Variants in ABLIM1 observed in about 807,000 individuals in gnomAD.
ABLIM1 encodes actin-binding LIM protein 1.
A neutral mutation model predicts 107.0 loss-of-function variants in ABLIM1; 40 were observed. The ratio of observed to expected loss-of-function variants is 0.37; its 90% CI spans 0.29 to 0.49. The LOEUF (loss-of-function observed/expected upper bound fraction) is 0.49. ABLIM1 is among the 20% of genes least tolerant of loss of function. The pLI, the probability that ABLIM1 is intolerant of heterozygous loss-of-function variation, is 0.97. For synonymous variants in ABLIM1, 357 were observed against 357.3 expected (o/e 1.00, Z 0.01); for missense variants, 857 against 1,008.5 (o/e 0.85, Z 2.04).
chr10:114,788,334 TAAAA>T, the ABLIM1 span, among the ~76,000 whole-genome samples: 9 of 131,324 alleles, frequency 6.9e-5, no homozygotes, highest in African/African-American at 2.3e-4. Context: ...AATAAAAAAA[TAAAA>T]AAAAAAAAAA....
At chr10:114,647,478 G>T (rs2079061283) in intron 1 of ABLIM1, among the ~76,000 whole-genome samples, 1 of 152,202 alleles carries the variant, frequency 6.6e-6, no homozygotes, top group South Asian at 2.1e-4. Context: ...ACTGGGAATT[G>T]TCCCACAAGG....
At chr10:114,512,271 CA>C (rs2061994043) in intron 6 of ABLIM1, among the ~76,000 whole-genome samples, 3 of 152,236 alleles carry the variant, frequency 2.0e-5, no homozygotes, top group African/African-American at 7.2e-5. Flanking sequence ...ATGCAATGTG[CA>C]CTCACGGAGT....
chr10:114,788,676 C>T, the ABLIM1 span, among the ~76,000 whole-genome samples: 1 of 151,926 alleles, frequency 6.6e-6, no homozygotes, highest in Non-Finnish European at 1.5e-5. Flanking sequence ...TGCAGTGAGC[C>T]GAGATTGCCC....
At chr10:114,603,025 G>A (rs1173294350) in intron 1 of ABLIM1, among the ~76,000 whole-genome samples, 1 of 152,152 alleles carries the variant, frequency 6.6e-6, no homozygotes, top group African/African-American at 2.4e-5. Context: ...GGCCTCAGAA[G>A]GAGGAACATG....
At chr10:114,734,927 G>C (rs1364350162) in intron 1 of ABLIM1, among the ~76,000 whole-genome samples, 1 of 152,166 alleles carries the variant, frequency 6.6e-6, no homozygotes, top group African/African-American at 2.4e-5. Context: ...GAAAGTTCTT[G>C]GCTGGAAGAG....
chr10:114,502,569 T>A (rs1451458210), intron 6 of ABLIM1, among the ~76,000 whole-genome samples: 7 of 152,136 alleles, frequency 4.6e-5, no homozygotes, highest in Non-Finnish European at 1.0e-4. Context: ...CGATCTTGGC[T>A]CACTGCAACC....
chr10:114,483,980 C>A (rs1299541269), intron 8 of ABLIM1, among the ~76,000 whole-genome samples: 2 of 152,192 alleles, frequency 1.3e-5, no homozygotes, highest in Non-Finnish European at 2.9e-5. Flanking sequence ...TGGTTGAGTC[C>A]TCTCCCTTCC....
intron 3 of ABLIM1, among the ~76,000 whole-genome samples, chr10:114,572,533 C>T (rs1358550722): frequency 3.3e-5 from 5 of 152,178 alleles, no homozygotes; most frequent in African/African-American, 1.2e-4. Flanking sequence ...GTGGTGTCCT[C>T]TCCACTTGTG....
chr10:114,569,701 C>A (rs1177605706), intron 4 of ABLIM1, among the ~76,000 whole-genome samples: 2 of 152,158 alleles, frequency 1.3e-5, no homozygotes, highest in African/African-American at 4.8e-5. Flanking sequence ...CTGGAGGTTA[C>A]CTTCCCAGTG....
chr10:114,480,491 C>A (rs560767541), intron 8 of ABLIM1, among the ~76,000 whole-genome samples: 3 of 152,166 alleles, frequency 2.0e-5, no homozygotes, highest in Admixed American at 2.0e-4. Context: ...AAAACCAACT[C>A]GAAAGTGCAG....
At chr10:114,537,304 AT>A (rs1295807951) in intron 6 of ABLIM1, among the ~76,000 whole-genome samples, 3 of 151,998 alleles carry the variant, frequency 2.0e-5, no homozygotes, top group East Asian at 1.9e-4. Context: ...TCATATGAGT[AT>A]TTTTTTACAT....
intron 6 of ABLIM1, among the ~76,000 whole-genome samples, chr10:114,506,758 T>A (rs1003956650): frequency 3.3e-5 from 5 of 152,348 alleles, no homozygotes; most frequent in Admixed American, 6.5e-5. Flanking sequence ...AGATATACAA[T>A]TTGTGAATAT....
chr10:114,575,719 G>T (rs1565983881), intron 2 of ABLIM1, 120 bp from the exon 3 acceptor site: 1 of 1,059,376 alleles, frequency 9.4e-7, no homozygotes, highest in Non-Finnish European at 1.3e-6. Flanking sequence ...GCTAGGGAGG[G>T]GATGGCTACA....
the ABLIM1 span, among the ~76,000 whole-genome samples, chr10:114,784,104 T>A: frequency 6.6e-6 from 1 of 151,724 alleles, no homozygotes; most frequent in Non-Finnish European, 1.5e-5. Flanking sequence ...TCCCAGCACT[T>A]TGGGAGGCTG....
At chr10:114,487,927 A>G in intron 8 of ABLIM1, 31 bp downstream of exon 8, 3 of 1,612,690 alleles carry the variant, frequency 1.9e-6, no homozygotes, top group South Asian at 1.1e-5. Flanking sequence ...CTACAAATGC[A>G]GCTGGCATCA....
intron 1 of ABLIM1, among the ~76,000 whole-genome samples, chr10:114,683,756 G>A (rs530156375): frequency 3.3e-5 from 5 of 152,162 alleles, no homozygotes; most frequent in South Asian, 2.1e-4. Flanking sequence ...GTGAGACTGC[G>A]TGGGGCCACC....
chr10:114,712,925 A>G (rs984446583), intron 1 of ABLIM1, among the ~76,000 whole-genome samples: 2 of 152,178 alleles, frequency 1.3e-5, no homozygotes, highest in South Asian at 4.1e-4. Flanking sequence ...TGGCTCACAC[A>G]TGTAGTCCTA....
At chr10:114,681,261 T>C (rs1386541905) in intron 1 of ABLIM1, among the ~76,000 whole-genome samples, 1 of 152,192 alleles carries the variant, frequency 6.6e-6, no homozygotes, top group Non-Finnish European at 1.5e-5. Context: ...AGTGGCACGA[T>C]CTCAGCTCAA....
At chr10:114,448,570 A>T (rs565149415) in intron 14 of ABLIM1, among the ~76,000 whole-genome samples, 54 of 151,198 alleles carry the variant, frequency 3.6e-4, no homozygotes, top group African/African-American at 1.2e-3. Context: ...ATCTTTGGGC[A>T]AGAAGCCACA....
Sources: gnomAD v4.1 joint callset for allele counts (sites outside exome capture counted in the v4.1 genomes callset) on GRCh38, gnomAD v4.1.1 for gene constraint, MANE v1.5 for transcripts, NCBI Gene and HGNC (gene_info 2026-07-23, HGNC 2026-07-21) for gene names.